Variants in PLCH1 observed in about 807,000 individuals in gnomAD.
The protein encoded by PLCH1 is 1-phosphatidylinositol 4,5-bisphosphate phosphodiesterase eta-1.
Under a neutral mutation model 126.7 loss-of-function variants are expected in PLCH1, and 60 were observed. The ratio of observed to expected loss-of-function variants is 0.47; its 90% CI spans 0.38 to 0.59. The LOEUF (loss-of-function observed/expected upper bound fraction) is 0.59, where lower values mean the gene tolerates loss of function less well. Ranked by LOEUF, PLCH1 falls within the 20% of genes least tolerant of loss-of-function variation. PLCH1 has a pLI of 0.00. For synonymous variants in PLCH1, 719 were observed against 734.9 expected (o/e 0.98, Z 0.35); for missense variants, 1,723 against 2,040.0 (o/e 0.84, Z 2.99).
At chr3:155,684,087 C>T (rs1004020333) in intron 2 of PLCH1, among the ~76,000 whole-genome samples, 1 of 152,110 alleles carries the variant, frequency 6.6e-6, no homozygotes, top group Non-Finnish European at 1.5e-5. Context: ...TATTATCTGC[C>T]CAGGCATGGC....
intron 1 of PLCH1, among the ~76,000 whole-genome samples, chr3:155,732,456 G>A (rs1453315362): frequency 6.6e-6 from 1 of 151,754 alleles, no homozygotes; most frequent in East Asian, 1.9e-4. Context: ...GGAGGCCGAG[G>A]CGGGTGGATC....
rs751393980 is a variant in PLCH1, at chr3:155,554,153, A to G, written c.1113T>C (p.His371=). Residue 371 remains histidine, a synonymous_variant, in exon 9 of 23, where the codon CAT becomes CAC. Coordinates refer to ENST00000460012, the MANE Select transcript of PLCH1 (RefSeq NM_014996.4). ...DGPDGEPVVH[H]GYTLTSKILF... ...GAATTTTTGAAGTGAGAGTGTAACC[A>G]TGATGTACTACTGGCTCTCCATCTG... 5.6e-6 allele frequency: 9 copies of G among 1,613,666 alleles called. No individual in the cohort carries two copies. In the East Asian group the frequency reaches 8.9e-5, roughly 16 times the overall value.
intron 3 of PLCH1, 82 bp from the exon 4 acceptor site, chr3:155,594,266 A>C: frequency 3.2e-6 from 4 of 1,265,022 alleles, no homozygotes; most frequent in Non-Finnish European, 4.5e-6. Flanking sequence ...GAAAAGCAAA[A>C]TCATTTTAAA....
intron 1 of PLCH1, among the ~76,000 whole-genome samples, chr3:155,720,899 T>C (rs1015860122): frequency 2.0e-5 from 3 of 152,230 alleles, no homozygotes; most frequent in Non-Finnish European, 4.4e-5. Context: ...GATTTTTATA[T>C]AAGGTGAAAG....
At chr3:155,736,726 A>G (rs141717961) in intron 1 of PLCH1, among the ~76,000 whole-genome samples, 5 of 152,338 alleles carry the variant, frequency 3.3e-5, no homozygotes, top group African/African-American at 9.6e-5. Context: ...AAATGCAATG[A>G]GGCTTATGAA....
chr3:155,484,320 T>C (rs1714664738), intron 22 of PLCH1, among the ~76,000 whole-genome samples: 1 of 152,216 alleles, frequency 6.6e-6, no homozygotes, highest in African/African-American at 2.4e-5. Flanking sequence ...GGTTTTAAAA[T>C]ACATTTTAAG....
intron 2 of PLCH1, among the ~76,000 whole-genome samples, chr3:155,647,430 C>A (rs557081322): frequency 5.1e-4 from 77 of 151,708 alleles, no homozygotes; most frequent in African/African-American, 1.8e-3. Flanking sequence ...ACTTCCTCAA[C>A]CTCTTTCTCC....
Position 155,481,130 on chromosome 3 carries a change from C to A in PLCH1, c.4896G>T (p.Lys1632Asn). The change falls in exon 23 of 23, where the codon AAG (lysine) becomes AAT (asparagine). Residue 1632 changes from lysine to asparagine, a missense_variant. This residue lies in a region of PLCH1 where 947 missense variants were observed against 977.1 expected (regional missense o/e 0.97). Coordinates refer to ENST00000460012, the MANE Select transcript of PLCH1 (RefSeq NM_014996.4). This position sits in a 1 kb window ranked among gnomAD's most constrained non-coding sequence, Gnocchi z 4.2. The part of the protein sequence containing the change: ...STGSYIAGYL[K>N]NTKGGGLEGR... ...CTTCAAGGCCACCCCCTTTCGTGTT[C>A]TTCAGGTAGCCTGCGATGTAGGAGC... 6.2e-7 allele frequency: 1 copy of A among 1,614,224 alleles called. No homozygotes were observed. The highest frequency in any genetic ancestry group is 8.5e-7 in the Non-Finnish European group (1 of 1,180,022).
chr3:155,713,159 G>T (rs953652551), intron 1 of PLCH1, among the ~76,000 whole-genome samples: 1 of 151,972 alleles, frequency 6.6e-6, no homozygotes, highest in African/African-American at 2.4e-5. Context: ...CTGACATTCC[G>T]CTTCCCTATA....
At chr3:155,727,514 C>T (rs140906800) in intron 1 of PLCH1, among the ~76,000 whole-genome samples, 3,006 of 151,798 alleles carry the variant, frequency 0.02, 94 homozygotes, top group African/African-American at 0.069. Context: ...CAGCCTCCTG[C>T]GTAGCTGAAA....
chr3:155,580,713 T>C (rs1730554256), intron 6 of PLCH1, among the ~76,000 whole-genome samples: 1 of 152,154 alleles, frequency 6.6e-6, no homozygotes, highest in African/African-American at 2.4e-5. Context: ...TTTACAAAGG[T>C]ACTTCTTCTA....
intron 10 of PLCH1, among the ~76,000 whole-genome samples, chr3:155,527,919 C>CAA (rs138092904): frequency 0.011 from 994 of 87,162 alleles, 9 homozygotes; most frequent in African/African-American, 0.037. Flanking sequence ...CACTCCGTTT[C>CAA]AAAAAAAAAA....
intron 10 of PLCH1, among the ~76,000 whole-genome samples, chr3:155,531,021 T>C (rs1289536025): frequency 6.6e-6 from 1 of 152,226 alleles, no homozygotes; most frequent in Non-Finnish European, 1.5e-5. Flanking sequence ...GGAATCTTTT[T>C]TCCTGAGCAG....
chr3:155,657,475 A>G (rs1409388406), intron 2 of PLCH1, among the ~76,000 whole-genome samples: 6 of 152,326 alleles, frequency 3.9e-5, no homozygotes, highest in African/African-American at 1.2e-4. Context: ...TGCGGACTCT[A>G]GCATTCGGCT....
At chr3:155,569,695 T>C (rs1202112796) in intron 6 of PLCH1, among the ~76,000 whole-genome samples, 1 of 152,162 alleles carries the variant, frequency 6.6e-6, no homozygotes, top group East Asian at 1.9e-4. Flanking sequence ...TTTCACAAAA[T>C]AAAATGAACC....
chr3:155,737,486 C>G (rs935030680), intron 1 of PLCH1, among the ~76,000 whole-genome samples: 12 of 151,800 alleles, frequency 7.9e-5, no homozygotes, highest in Non-Finnish European at 1.6e-4. Flanking sequence ...CGTGAGCCAC[C>G]ATGCCCTGCC....
At chr3:155,705,547 A>G (rs1746599451) in intron 1 of PLCH1, among the ~76,000 whole-genome samples, 2 of 152,230 alleles carry the variant, frequency 1.3e-5, no homozygotes, top group Admixed American at 1.3e-4. Flanking sequence ...CTCCCCAGCC[A>G]ATACTATATA....
chr3:155,577,247 C>A (rs1357845396), intron 6 of PLCH1, among the ~76,000 whole-genome samples: 1 of 152,052 alleles, frequency 6.6e-6, no homozygotes, highest in Non-Finnish European at 1.5e-5. Flanking sequence ...GTGACAGAGA[C>A]CCTGTCTCTA....
chr3:155,490,982 G>T, intron 18 of PLCH1, 114 bp from the exon 19 acceptor site: 1 of 618,056 alleles, frequency 1.6e-6, no homozygotes, highest in Non-Finnish European at 2.8e-6. Context: ...ATTTTACAAG[G>T]TGCTTAGTAA....
Sources: gnomAD v4.1 joint callset for allele counts (sites outside exome capture counted in the v4.1 genomes callset) on GRCh38, gnomAD v4.1.1 for gene constraint, gnomAD v4.1.1 regional missense constraint, Gnocchi (gnomAD v3.1) non-coding constraint, MANE v1.5 for transcripts, NCBI Gene and HGNC (gene_info 2026-07-23, HGNC 2026-07-21) for gene names.